The following SERBP1 variants were observed in gnomAD, a reference collection of about 807,000 sequenced individuals.
The protein encoded by SERBP1 is SERPINE1 mRNA-binding protein 1.
SERBP1 carries 6 observed loss-of-function variants against 50.2 expected under a neutral mutation model. The ratio of observed to expected loss-of-function variants is 0.12; its 90% CI spans 0.07 to 0.24. The LOEUF is 0.24. SERBP1 is among the 10% of genes least tolerant of loss of function. The probability of loss-of-function intolerance (pLI) is 1.00; values close to 1 mark genes in which losing one functional copy is unlikely to be tolerated. For missense variants in SERBP1, 346 were observed against 524.9 expected (o/e 0.66, Z 3.33); for synonymous variants, 168 against 182.8 (o/e 0.92, Z 0.65).
Position 67,412,634 on chromosome 1 carries a change from G to GA in SERBP1, c.*572dup, listed in dbSNP as rs1228744402. 2.0e-5 allele frequency: 3 copies of GA among 152,490 alleles called. No homozygotes were observed. The highest frequency in any genetic ancestry group is 7.2e-5 in the African/African-American group (3 of 41,382). 9.4% of individuals were successfully genotyped at this position (152,490 alleles called of 1,614,324 possible). ...ATATATAACAGCTATCATGAGAAGT[G>GA]AAAAAAGATTTTTCCCCAAAAATGA... is the stretch of plus-strand genomic sequence containing the variant. On this transcript the variant is annotated 3_prime_UTR_variant, in exon 8 of 8. Coordinates refer to ENST00000361219, the MANE Select transcript of SERBP1 (RefSeq NM_001018069.2).
rs1667534779 is a variant in SERBP1, at chr1:67,430,278, C to T, written c.23G>A (p.Gly8Asp). ...TCGGTTGGTGACCACGCAGCCGAAG[C>T]CTTCCTGTAAGTGCCCAGGCATGAT... MPGHLQE[G>D]FGCVVTNRFD... Residue 8 changes from glycine to aspartate, a missense_variant, in exon 1 of 8, where the codon GGC (glycine) becomes GAC (aspartate). Physicochemically the swap from Gly to Asp is moderately conservative, Grantham distance 94 (BLOSUM62 -1). Coordinates refer to ENST00000361219, the MANE Select transcript of SERBP1 (RefSeq NM_001018069.2). 1 of 1,541,642 alleles carries T rather than the reference C, an allele frequency of 6.5e-7. No individual in the cohort carries two copies. Among genetic ancestry groups the T allele is most frequent in the Non-Finnish European group, 8.7e-7 (1 of 1,147,792 alleles).
intron 3 of SERBP1, 34 bp downstream of exon 3, chr1:67,425,044 TTAAAA>T (rs774198429): frequency 1.3e-6 from 2 of 1,594,896 alleles, no homozygotes; most frequent in Middle Eastern, 4.5e-4. Context: ...ATTAAATAGA[TTAAAA>T]TATTAAAGTA....
rs1667371701 is a variant in SERBP1, at chr1:67,426,198, C to T, written c.401G>A (p.Arg134His). ...AAGTGGCTTTTCGAATCTTCGTTCACGAGGTGGTCGCCTTTCTGGTCTTCT... is the reference window on the plus strand; with the variant it reads ...AAGTGGCTTTTCGAATCTTCGTTCATGAGGTGGTCGCCTTTCTGGTCTTCT... ...IDRRPERRPP[R>H]ERRFEKPLEE... is the part of the protein sequence containing the mutation. The change falls in exon 2 of 8, where the codon CGT becomes CAT. Residue 134 changes from arginine (R) to histidine (H), a missense_variant. By Grantham distance (29) the Arg-to-His change is conservative. This residue lies in a region of SERBP1 where 257 missense variants were observed against 331.2 expected (regional missense o/e 0.78). Coordinates refer to ENST00000361219, the MANE Select transcript of SERBP1 (RefSeq NM_001018069.2). 6.2e-7 allele frequency: 1 copy of T among 1,609,664 alleles called. No individual in the cohort carries two copies. Among genetic ancestry groups the T allele is most frequent in the Non-Finnish European group, 8.5e-7 (1 of 1,178,358 alleles).
At position 67,421,469 on chromosome 1, in the gene SERBP1, C is replaced by T. The variant is rs1667194246; in HGVS notation, c.774-1283G>A. Reference sequence around the variant, plus strand: ...TTCCATATGCTATGCCCAGATTCTCCCCTAGTCTGGAATAAGATTACAGAC... The same window carrying T: ...TTCCATATGCTATGCCCAGATTCTCTCCTAGTCTGGAATAAGATTACAGAC... On this transcript the variant is annotated intron_variant, in intron 5 of 7. Coordinates refer to ENST00000361219, the MANE Select transcript of SERBP1 (RefSeq NM_001018069.2). 2.0e-5 allele frequency among the ~76,000 whole-genome samples: 3 copies of T among 152,168 alleles called. No individual in the cohort carries two copies. The South Asian group carries it at 6.2e-4, about 32-fold the overall frequency.
In SERBP1 at chr1:67,430,169, G is replaced by T. The variant is rs779405594; in HGVS notation, c.132C>A (p.Gly44=). ...AENKKKEAGG[G]GVGGPGAKSA... is the part of the protein sequence containing the mutation. ...TCTTGGCCCCAGGGCCCCCAACGCC[G>T]CCCCCGCCGGCTTCTTTTTTCTTGT... is the stretch of plus-strand genomic sequence containing the variant. Residue 44 remains glycine, a synonymous_variant, in exon 1 of 8, where the codon GGC becomes GGA. Coordinates refer to ENST00000361219, the MANE Select transcript of SERBP1 (RefSeq NM_001018069.2). 5.6e-6 allele frequency: 9 copies of T among 1,610,526 alleles called. No individual in the cohort carries two copies. In the African/African-American group the frequency reaches 9.4e-5, roughly 17 times the overall value.
At chr1:67,428,769 C>T (rs185423447) in intron 1 of SERBP1, among the ~76,000 whole-genome samples, 1 of 148,464 alleles carries the variant, frequency 6.7e-6, no homozygotes, top group Admixed American at 6.7e-5. Context: ...TAAAACAAAT[C>T]CTACCACGAG....
At chr1:67,422,300 G>A (rs1423234376) in intron 5 of SERBP1, among the ~76,000 whole-genome samples, 1 of 152,072 alleles carries the variant, frequency 6.6e-6, no homozygotes, top group Non-Finnish European at 1.5e-5. Context: ...GATCACCTGA[G>A]GTCAGAGTTC....
Position 67,409,430 on chromosome 1 carries a change from C to CACA in SERBP1, c.*3776_*3777insTGT, listed in dbSNP as rs1264200348. The CACA allele has an allele frequency of 2.0e-5, 3 of 148,354 alleles. No individual in the cohort carries two copies. The highest frequency in any genetic ancestry group is 2.9e-5 in the Non-Finnish European group (2 of 67,916). 9.2% of individuals were successfully genotyped at this position (148,354 alleles called of 1,614,324 possible). A position where few individuals can be genotyped will look rare whatever the true frequency, so the allele number is the denominator to read the frequency against. On this transcript the variant is annotated 3_prime_UTR_variant, in exon 8 of 8. Coordinates refer to ENST00000361219, the MANE Select transcript of SERBP1 (RefSeq NM_001018069.2). ...ACACACACACACACACCCCCACACA[C>CACA]ACCAGGTCACAGGCTGAACTTTGCT...
In SERBP1 at chr1:67,410,550, G is replaced by C. The variant is rs1420798165; in HGVS notation, c.*2657C>G. The C allele has an allele frequency of 2.0e-5, 3 of 152,026 alleles. No individual in the cohort carries two copies. The highest frequency in any genetic ancestry group is 7.2e-5 in the African/African-American group (3 of 41,412). The allele number at this position is 152,026 out of a possible 1,614,324, so 9.4% of individuals were successfully genotyped here. ...CACAGGTCTCAAAATAGCTAATAAA[G>C]AAACCATGTCTCCAATCATTTCAAT... On this transcript the variant is annotated 3_prime_UTR_variant, in exon 8 of 8. Coordinates refer to ENST00000361219, the MANE Select transcript of SERBP1 (RefSeq NM_001018069.2).
intron 1 of SERBP1, chr1:67,429,533 C>G (rs1281026271): frequency 6.5e-6 from 1 of 154,814 alleles, no homozygotes; most frequent in Admixed American, 6.5e-5. Context: ...AGGACAGGAG[C>G]CTGAAACAAC....
At chr1:67,428,671 AATTATT>A (rs928607442) in intron 1 of SERBP1, among the ~76,000 whole-genome samples, 1 of 111,304 alleles carries the variant, frequency 9.0e-6, no homozygotes, top group South Asian at 3.3e-4. Context: ...CACAAGAATT[AATTATT>A]TTCTTTTATT....
rs980071572 is a variant in SERBP1 at position 67,408,381 on chromosome 1, G to A, written c.*4826C>T. The A allele has an allele frequency of 6.6e-6, 1 of 152,066 alleles. No individual in the cohort carries two copies. Among genetic ancestry groups the A allele is most frequent in the Admixed American group, 6.5e-5 (1 of 15,274 alleles). The allele number at this position is 152,066 out of a possible 1,614,324, so 9.4% of individuals were successfully genotyped here. Reference sequence around the variant, plus strand: ...CATACTCCCAAATGGGCAGCAAAAGGAACAAACATTACTGATTTAAAACAG... The same window carrying A: ...CATACTCCCAAATGGGCAGCAAAAGAAACAAACATTACTGATTTAAAACAG... On this transcript the variant is annotated 3_prime_UTR_variant, in exon 8 of 8. Transcript: ENST00000361219.
chr1:67,426,294 A>T lies in SERBP1; in HGVS notation c.314-9T>A. On this transcript the variant is annotated splice_polypyrimidine_tract_variant and intron_variant, in intron 1 of 7. Transcript: ENST00000361219. ...TCCAACTCGTCTTATTCCTAAAACG[A>T]TAAGATAACCTGCATAAGCAAATTA... 2 of 1,583,404 alleles carry T rather than the reference A, an allele frequency of 1.3e-6. No homozygotes were observed. Among genetic ancestry groups the T allele is most frequent in the Non-Finnish European group, 1.7e-6 (2 of 1,167,214 alleles).
chr1:67,427,298 AT>A (rs1667419836), intron 1 of SERBP1, among the ~76,000 whole-genome samples: 2 of 152,212 alleles, frequency 1.3e-5, no homozygotes, highest in South Asian at 4.1e-4. Context: ...AAGGCAACCA[AT>A]TTAAATTATT....
intron 6 of SERBP1, among the ~76,000 whole-genome samples, chr1:67,418,764 A>G (rs1031250792): frequency 6.6e-6 from 1 of 152,186 alleles, no homozygotes; most frequent in East Asian, 1.9e-4. Context: ...GTCTCAAAAA[A>G]AAAAAATAAA....
chr1:67,420,693 C>T (rs1667171737), intron 5 of SERBP1: 1 of 152,416 alleles, frequency 6.6e-6, no homozygotes. Context: ...GTTTCAGCAA[C>T]TAGCACTTAG....
At chr1:67,426,499 T>C (rs1288228202) in intron 1 of SERBP1, among the ~76,000 whole-genome samples, 1 of 152,160 alleles carries the variant, frequency 6.6e-6, no homozygotes, top group African/African-American at 2.4e-5. Flanking sequence ...ACTAAATACA[T>C]AAATAAATAA....
rs1419148562 is a variant in SERBP1, at chr1:67,411,180, C to G, written c.*2027G>C. ...TTATATCCATCAGATACAACTAATG[C>G]ACCAACTTTTTAAGTTCAGGCTATC... On this transcript the variant is annotated 3_prime_UTR_variant, in exon 8 of 8. Transcript: ENST00000361219. 3.3e-5 allele frequency: 5 copies of G among 152,090 alleles called. No individual in the cohort carries two copies. The highest frequency in any genetic ancestry group is 1.3e-4 in the Admixed American group (2 of 15,272). The allele number at this position is 152,090 out of a possible 1,614,324, so 9.4% of individuals were successfully genotyped here. A position where few individuals can be genotyped will look rare whatever the true frequency, so the allele number is the denominator to read the frequency against.
chr1:67,417,962 T>TA (rs1310637764), intron 6 of SERBP1, among the ~76,000 whole-genome samples: 3 of 142,624 alleles, frequency 2.1e-5, no homozygotes, highest in Non-Finnish European at 4.5e-5. Context: ...ATGTGAAAGT[T>TA]AAAGTGTTGT....
Sources: gnomAD v4.1 joint callset for allele counts (sites outside exome capture counted in the v4.1 genomes callset) on GRCh38, gnomAD v4.1.1 for gene constraint, gnomAD v4.1.1 regional missense constraint, MANE v1.5 for transcripts, NCBI Gene and HGNC (gene_info 2026-07-23, HGNC 2026-07-21) for gene names.